Variants in ZFPM1 observed in about 807,000 individuals in gnomAD.
The protein encoded by ZFPM1 is zinc finger protein, FOG family member 1.
In ZFPM1, 28 loss-of-function variants were observed where a neutral mutation model predicts 46.3. The ratio of observed to expected loss-of-function variants is 0.60; its 90% CI spans 0.45 to 0.83. The LOEUF (loss-of-function observed/expected upper bound fraction) is 0.83, where lower values mean the gene tolerates loss of function less well. Ranked by LOEUF, ZFPM1 falls within the 40% of genes least tolerant of loss-of-function variation. The pLI, the probability that ZFPM1 is intolerant of heterozygous loss-of-function variation, is 0.00. For missense variants in ZFPM1, 1,878 were observed against 1,432.4 expected, an observed-to-expected ratio of 1.31 and a Z score of -5.02; for synonymous variants, 957 against 675.9, an observed-to-expected ratio of 1.42 and a Z score of -6.45.
chr16:88,536,240 TAA>T lies in ZFPM1; in HGVS notation c.*1262_*1263del, dbSNP rs1567560568. On this transcript the variant is annotated 3_prime_UTR_variant, in exon 10 of 10. Transcript: ENST00000319555. ...AGGCTGAAGTTCAGTGGCACGATCA[TAA>T]GTCACTGCAGCCTCAAACTCCTGAG... 1 of 152,164 alleles carries T rather than the reference TAA, an allele frequency of 6.6e-6. No homozygotes were observed. Among genetic ancestry groups the T allele is most frequent in the African/African-American group, 2.4e-5 (1 of 41,430 alleles). 9.4% of individuals were successfully genotyped at this position (152,164 alleles called of 1,614,324 possible).
At position 88,528,315 on chromosome 16, in the gene ZFPM1, T is replaced by C. The variant is rs574352766; in HGVS notation, c.712+77T>C. The C allele has an allele frequency of 2.5e-5, 36 of 1,428,228 alleles. No individual in the cohort carries two copies. The African/African-American group carries it at 4.5e-4, about 18-fold the overall frequency. The allele number at this position is 1,428,228 out of a possible 1,614,324, so 88.5% of individuals were successfully genotyped here. On this transcript the variant is annotated intron_variant, in intron 6 of 9. Coordinates refer to ENST00000319555, the MANE Select transcript of ZFPM1 (RefSeq NM_153813.3). ...AGGCAGGGCAGGAGAGGGTGGGAGC[T>C]GAGGGTGGGAAGCTCGGGGGCTGCA...
chr16:88,533,079 C>A, intron 9 of ZFPM1, 69 bp from the exon 10 acceptor site: 1 of 1,374,112 alleles, frequency 7.3e-7, no homozygotes, highest in Non-Finnish European at 9.7e-7. Context: ...TTCCGGAGCT[C>A]GCCCTCCAGC....
intron 4 of ZFPM1, among the ~76,000 whole-genome samples, chr16:88,522,651 G>T (rs1911988118): frequency 6.6e-6 from 1 of 152,232 alleles, no homozygotes; most frequent in Non-Finnish European, 1.5e-5. Flanking sequence ...CTTTGTTGGG[G>T]GAAACAAGGA....
chr16:88,479,422 G>A (rs1050746680), intron 1 of ZFPM1, among the ~76,000 whole-genome samples: 5 of 152,064 alleles, frequency 3.3e-5, no homozygotes, highest in South Asian at 2.1e-4. Context: ...GACTCAACTC[G>A]GGTCAGCCTG....
intron 3 of ZFPM1, among the ~76,000 whole-genome samples, chr16:88,494,504 C>T (rs1405818987): frequency 1.3e-5 from 2 of 152,106 alleles, no homozygotes; most frequent in Non-Finnish European, 2.9e-5. Flanking sequence ...CACAACACAC[C>T]AAACCCCGCC....
At chr16:88,482,446 C>T (rs1207017062) in intron 1 of ZFPM1, among the ~76,000 whole-genome samples, 2 of 152,156 alleles carry the variant, frequency 1.3e-5, no homozygotes, top group African/African-American at 4.8e-5. Flanking sequence ...CTGAAATTAG[C>T]CTGGCAGCCT....
At chr16:88,482,955 GC>G (rs996729035) in intron 1 of ZFPM1, among the ~76,000 whole-genome samples, 1 of 152,216 alleles carries the variant, frequency 6.6e-6, no homozygotes, top group Non-Finnish European at 1.5e-5. Flanking sequence ...CTCGGTGGCT[GC>G]TTTTCTGCCC....
At chr16:88,510,830 G>A (rs755530511) in intron 3 of ZFPM1, among the ~76,000 whole-genome samples, 3 of 152,168 alleles carry the variant, frequency 2.0e-5, no homozygotes, top group Non-Finnish European at 4.4e-5. Context: ...TTAACCTCTC[G>A]GATCTGTCTC....
intron 3 of ZFPM1, among the ~76,000 whole-genome samples, chr16:88,495,298 C>T (rs890525537): frequency 2.0e-5 from 3 of 152,210 alleles, no homozygotes; most frequent in South Asian, 2.1e-4. Flanking sequence ...GGCCGAAGAG[C>T]GTGGGGGCTG....
chr16:88,533,575 C>T lies in ZFPM1; in HGVS notation c.1617C>T (p.Ala539=). The change falls in exon 10 of 10, where the codon GCC becomes GCT. Residue 539 remains alanine (A), a synonymous_variant. Coordinates refer to ENST00000319555, the MANE Select transcript of ZFPM1 (RefSeq NM_153813.3). ...YVFGPDAAPP[A]SEILAKMSEL... ...TCGGGCCCGACGCGGCGCCCCCCGC[C>T]TCGGAGATCCTGGCCAAGATGTCCG... 1 of 1,498,098 alleles carries T rather than the reference C, an allele frequency of 6.7e-7. No individual in the cohort carries two copies. Among genetic ancestry groups the T allele is most frequent in the Non-Finnish European group, 8.9e-7 (1 of 1,124,308 alleles). The allele number at this position is 1,498,098 out of a possible 1,614,324, so 92.8% of individuals were successfully genotyped here. A position where few individuals can be genotyped will look rare whatever the true frequency, so the allele number is the denominator to read the frequency against.
intron 1 of ZFPM1, among the ~76,000 whole-genome samples, chr16:88,455,562 C>T (rs1480255638): frequency 1.3e-5 from 2 of 150,704 alleles, no homozygotes; most frequent in South Asian, 2.1e-4. Context: ...GCCCGCTGCC[C>T]TGGCCTCACC....
chr16:88,503,645 T>C (rs1006194506), intron 3 of ZFPM1, among the ~76,000 whole-genome samples: 1 of 152,166 alleles, frequency 6.6e-6, no homozygotes, highest in Non-Finnish European at 1.5e-5. Context: ...GTTGGGGTGA[T>C]CGGTGCCATG....
chr16:88,501,787 G>A (rs561891898), intron 3 of ZFPM1, among the ~76,000 whole-genome samples: 43 of 147,330 alleles, frequency 2.9e-4, no homozygotes, highest in African/African-American at 1.0e-3. Flanking sequence ...GCGGGCATGG[G>A]TGCAGGGCCC....
At chr16:88,506,526 G>A (rs544649357) in intron 3 of ZFPM1, among the ~76,000 whole-genome samples, 2 of 152,286 alleles carry the variant, frequency 1.3e-5, no homozygotes, top group African/African-American at 2.4e-5. Context: ...GGCAGGTTGT[G>A]CACTGAGTGT....
In ZFPM1 at chr16:88,520,477, T is replaced by C. The variant is rs1262360409; in HGVS notation, c.402+5957T>C. On this transcript the variant is annotated intron_variant, in intron 4 of 9. Coordinates refer to ENST00000319555, the MANE Select transcript of ZFPM1 (RefSeq NM_153813.3). Reference sequence around the variant, plus strand: ...TGGATGGTGGATGGATGGACAGATGTATGGGTGGATGGATGAGTGGGTGGG... The same window carrying C: ...TGGATGGTGGATGGATGGACAGATGCATGGGTGGATGGATGAGTGGGTGGG... 2.4e-5 allele frequency among the ~76,000 whole-genome samples: 3 copies of C among 126,260 alleles called. No homozygotes were observed. In the East Asian group the frequency reaches 7.5e-4, roughly 32 times the overall value. 82.8% of individuals were successfully genotyped at this position (126,260 alleles called of 152,430 possible).
At chr16:88,519,301 G>A (rs1020663448) in intron 4 of ZFPM1, among the ~76,000 whole-genome samples, 4 of 149,978 alleles carry the variant, frequency 2.7e-5, no homozygotes, top group South Asian at 2.1e-4. Context: ...GGATGGGTGG[G>A]TGAGTGGGTG....
At chr16:88,487,919 G>A (rs538273839) in intron 2 of ZFPM1, among the ~76,000 whole-genome samples, 43 of 152,334 alleles carry the variant, frequency 2.8e-4, no homozygotes, top group Non-Finnish European at 4.7e-4. Flanking sequence ...CCTGGGACCC[G>A]CTGGCTGCCA....
intron 1 of ZFPM1, among the ~76,000 whole-genome samples, chr16:88,476,060 C>T (rs558008759): frequency 6.6e-6 from 1 of 152,100 alleles, no homozygotes; most frequent in Non-Finnish European, 1.5e-5. Context: ...TCCCTCTCCT[C>T]GTGGTGCCCC....
chr16:88,513,664 G>C lies in ZFPM1; in HGVS notation c.269-723G>C, dbSNP rs548233907. ...TGTGGCCAGGTGTGTGTGTGTCCTC[G>C]GCTGGGTGCTAAGTTAGCGTGACCT... On this transcript the variant is annotated intron_variant, in intron 3 of 9. Coordinates refer to ENST00000319555, the MANE Select transcript of ZFPM1 (RefSeq NM_153813.3). 1.7e-3 allele frequency among the ~76,000 whole-genome samples: 262 copies of C among 152,326 alleles called. 2 individuals carry two copies. The highest frequency in any genetic ancestry group is 5.7e-3 in the African/African-American group (239 of 41,572).
Sources: allele counts gnomAD v4.1 joint callset (sites outside exome capture counted in the v4.1 genomes callset), GRCh38; gene constraint gnomAD v4.1.1; transcripts MANE v1.5; gene names NCBI Gene and HGNC (gene_info 2026-07-23, HGNC 2026-07-21).